The following TMPRSS4 variants were observed in gnomAD, a reference collection of about 807,000 sequenced individuals.
TMPRSS4 encodes transmembrane protease serine 4.
Under a neutral mutation model 56.4 loss-of-function variants are expected in TMPRSS4, and 45 were observed. The observed-to-expected ratio is 0.80, with a 90% CI of 0.63 to 1.02. The LOEUF (loss-of-function observed/expected upper bound fraction) is 1.02, where lower values mean the gene tolerates loss of function less well. TMPRSS4 is among the 50% of genes least tolerant of loss of function. The pLI, the probability that TMPRSS4 is intolerant of heterozygous loss-of-function variation, is 0.00. For missense variants in TMPRSS4, 546 were observed against 556.7 expected (o/e 0.98, Z 0.19); for synonymous variants, 205 against 211.0 (o/e 0.97, Z 0.25).
Position 118,118,934 on chromosome 11 carries a change from T to C in TMPRSS4, c.*1021T>C. ...GTCCCCAAGCTGAGTTGTGAGGATGTAAGCATGAATAAGTCCCTGCACTCA... is the reference window on the plus strand; with the variant it reads ...GTCCCCAAGCTGAGTTGTGAGGATGCAAGCATGAATAAGTCCCTGCACTCA... On this transcript the variant is annotated 3_prime_UTR_variant, in exon 13 of 13. Transcript: ENST00000437212. 1.0e-6 allele frequency: 1 copy of C among 985,420 alleles called. No homozygotes were observed. The highest frequency in any genetic ancestry group is 1.2e-6 in the Non-Finnish European group (1 of 829,936). The allele number at this position is 985,420 out of a possible 1,614,324, so 61.0% of individuals were successfully genotyped here.
intron 11 of TMPRSS4, among the ~76,000 whole-genome samples, chr11:118,116,954 A>G (rs1014517140): frequency 6.6e-6 from 1 of 151,254 alleles, no homozygotes; most frequent in East Asian, 1.9e-4. Context: ...CAAGTGATTC[A>G]CCCGCCTCAG....
At chr11:118,114,791 G>T in intron 9 of TMPRSS4, 38 bp from the exon 10 acceptor site, 1 of 1,537,860 alleles carries the variant, frequency 6.5e-7, no homozygotes, top group Non-Finnish European at 8.9e-7. Context: ...CACTTATGAT[G>T]AATAAAAGAT....
chr11:118,078,121 C>T (rs1450441141), intron 1 of TMPRSS4, among the ~76,000 whole-genome samples: 2 of 150,216 alleles, frequency 1.3e-5, no homozygotes, highest in East Asian at 2.0e-4. Flanking sequence ...TACTTGGTCT[C>T]TTTTCATGCC....
rs1947800051 is a variant in TMPRSS4, at chr11:118,121,749, G to C, written c.*3836G>C. On this transcript the variant is annotated 3_prime_UTR_variant, in exon 13 of 13. Transcript: ENST00000437212. ...ATGAGTAGAAAAATACATCAGTAAA[G>C]AAAAAAGACCCTGTATATAAATATA... 6.6e-6 allele frequency: 1 copy of C among 151,934 alleles called. No homozygotes were observed. The highest frequency in any genetic ancestry group is 2.1e-4 in the South Asian group (1 of 4,826). 9.4% of individuals were successfully genotyped at this position (151,934 alleles called of 1,614,324 possible). A position where few individuals can be genotyped will look rare whatever the true frequency, so the allele number is the denominator to read the frequency against.
Position 118,094,881 on chromosome 11 carries a change from G to A in TMPRSS4, c.43+26G>A, listed in dbSNP as rs369297379. On this transcript the variant is annotated intron_variant, in intron 2 of 12. Transcript: ENST00000437212. ...GTAAGTTCAGGTCCGGCTTTCATTC[G>A]TCCACCTTAGCCTCTGAGTTTCAGC... 1.6e-5 allele frequency: 26 copies of A among 1,607,950 alleles called. No individual in the cohort carries two copies. The African/African-American group carries it at 1.7e-4, about 11-fold the overall frequency.
chr11:118,097,028 GAAAGAAAAGGAAA>G lies in TMPRSS4; in HGVS notation c.44-1956_44-1944del, dbSNP rs1179987821. 3.5e-3 allele frequency among the ~76,000 whole-genome samples: 151 copies of G among 43,154 alleles called. 2 individuals carry two copies. Among genetic ancestry groups the G allele is most frequent in the African/African-American group, 0.014 (142 of 10,264 alleles). The allele number at this position is 43,154 out of a possible 152,430, so 28.3% of individuals were successfully genotyped here. On this transcript the variant is annotated intron_variant, in intron 2 of 12. Coordinates refer to ENST00000437212, the MANE Select transcript of TMPRSS4 (RefSeq NM_019894.4). ...AGAAAGAAAGAAAGAAAGAAAGAAA[GAAAGAAAAGGAAA>G]GAAAGGAAAGGAAAGGAAAGGAAAG... is the stretch of plus-strand genomic sequence containing the variant.
At chr11:118,096,329 T>C (rs1390249617) in intron 2 of TMPRSS4, among the ~76,000 whole-genome samples, 1 of 152,246 alleles carries the variant, frequency 6.6e-6, no homozygotes, top group South Asian at 2.1e-4. Flanking sequence ...ACACAAAGTG[T>C]CCTAAGCTTT....
At position 118,118,075 on chromosome 11, in the gene TMPRSS4, G is replaced by C; in HGVS notation, c.*162G>C. On this transcript the variant is annotated 3_prime_UTR_variant, in exon 13 of 13. Coordinates refer to ENST00000437212, the MANE Select transcript of TMPRSS4 (RefSeq NM_019894.4). ...GCAAAGGGCCTCAATTCCTATAAGA[G>C]ACCCTCGCAGCCCAGAGGCGCCCAG... 1 of 1,472,598 alleles carries C rather than the reference G, an allele frequency of 6.8e-7. No homozygotes were observed. 91.2% of individuals were successfully genotyped at this position (1,472,598 alleles called of 1,614,324 possible).
intron 6 of TMPRSS4, 155 bp downstream of exon 6, chr11:118,108,030 G>A (rs964563852): frequency 6.3e-5 from 38 of 605,884 alleles, no homozygotes; most frequent in Non-Finnish European, 9.3e-5. Flanking sequence ...AATGCCAAGA[G>A]CTATAGACTC....
downstream of TMPRSS4, among the ~76,000 whole-genome samples, chr11:118,123,265 T>C (rs1323647335): frequency 2.0e-5 from 3 of 152,206 alleles, no homozygotes; most frequent in Non-Finnish European, 4.4e-5. Context: ...AATCAGCAGA[T>C]ACTATGTTCC....
intron 5 of TMPRSS4, chr11:118,106,921 T>C (rs1358542606): frequency 6.6e-6 from 1 of 152,144 alleles, no homozygotes; most frequent in Non-Finnish European, 1.5e-5. Flanking sequence ...TAAAATGCAC[T>C]CTAGTCCTCC....
At chr11:118,095,789 A>T (rs768497114) in intron 2 of TMPRSS4, among the ~76,000 whole-genome samples, 3 of 152,214 alleles carry the variant, frequency 2.0e-5, no homozygotes, top group Non-Finnish European at 4.4e-5. Context: ...TATAATCCAG[A>T]TGTGGAAGTC....
Position 118,119,124 on chromosome 11 carries a change from A to G in TMPRSS4, c.*1211A>G. ...CAACAGAATTCCTCAAATGCCAAAA[A>G]CAAAGAAAATAGAAACCCAGAAAAC... is the stretch of plus-strand genomic sequence containing the variant. On this transcript the variant is annotated 3_prime_UTR_variant, in exon 13 of 13. Transcript: ENST00000437212. 1.0e-6 allele frequency: 1 copy of G among 985,474 alleles called. No individual in the cohort carries two copies. The highest frequency in any genetic ancestry group is 1.2e-6 in the Non-Finnish European group (1 of 829,956). The allele number at this position is 985,474 out of a possible 1,614,324, so 61.0% of individuals were successfully genotyped here.
chr11:118,113,411 C>T lies in TMPRSS4; in HGVS notation c.886C>T (p.Leu296=). 1 of 1,614,152 alleles carries T rather than the reference C, an allele frequency of 6.2e-7. No individual in the cohort carries two copies. Among genetic ancestry groups the T allele is most frequent in the East Asian group, 2.2e-5 (1 of 44,886 alleles). ...AGACAATGACATCGCCCTCATGAAGCTGCAGTTCCCACTCACTTTCTCAGG... is the reference window on the plus strand; with the variant it reads ...AGACAATGACATCGCCCTCATGAAGTTGCAGTTCCCACTCACTTTCTCAGG... The part of the protein sequence containing the change: ...PKDNDIALMK[L]QFPLTFSGTV... Residue 296 remains leucine, a synonymous_variant, in exon 9 of 13, where the codon CTG becomes TTG. Coordinates refer to ENST00000437212, the MANE Select transcript of TMPRSS4 (RefSeq NM_019894.4).
rs746501342 is a variant in TMPRSS4 at position 118,117,466 on chromosome 11, TTG to T, written c.1302+13_1302+14del. ...ACAATGTCTGGAAGGTAAGGTACCT[TTG>T]CCCTACCCACTGTGCCTTCCCTCCA... is the stretch of plus-strand genomic sequence containing the variant. On this transcript the variant is annotated intron_variant, in intron 12 of 12. Transcript: ENST00000437212. 4.4e-6 allele frequency: 7 copies of T among 1,607,554 alleles called. No individual in the cohort carries two copies. The highest frequency in any genetic ancestry group is 6.0e-6 in the Non-Finnish European group (7 of 1,176,062).
intron 7 of TMPRSS4, 137 bp downstream of exon 7, chr11:118,109,033 C>A: frequency 2.4e-6 from 2 of 848,616 alleles, no homozygotes; most frequent in South Asian, 1.7e-5. Flanking sequence ...GCTTGTCGGT[C>A]AATGCCCCCT....
chr11:118,096,988 GAAA>G (rs1565423380), intron 2 of TMPRSS4, among the ~76,000 whole-genome samples: 7 of 86,096 alleles, frequency 8.1e-5, no homozygotes, highest in Non-Finnish European at 1.1e-4. Flanking sequence ...AAGAAAGAAA[GAAA>G]GAAAGAAAGA....
intron 7 of TMPRSS4, among the ~76,000 whole-genome samples, chr11:118,109,904 G>T (rs1403323613): frequency 2.0e-5 from 3 of 152,176 alleles, no homozygotes; most frequent in South Asian, 2.1e-4. Context: ...ATGAATGAAT[G>T]GTCACACCAT....
downstream of TMPRSS4, among the ~76,000 whole-genome samples, chr11:118,123,770 C>T (rs148957604): frequency 0.057 from 8,684 of 152,040 alleles, 773 homozygotes; most frequent in African/African-American, 0.19. Context: ...GTGATCCGCC[C>T]GCCTCAGCCT....
Sources: gnomAD v4.1 joint callset for allele counts (sites outside exome capture counted in the v4.1 genomes callset) on GRCh38, gnomAD v4.1.1 for gene constraint, MANE v1.5 for transcripts, NCBI Gene and HGNC (gene_info 2026-07-23, HGNC 2026-07-21) for gene names.